Variants in PPM1L observed in about 807,000 individuals in gnomAD.
PPM1L encodes the protein protein phosphatase, Mg2+/Mn2+ dependent 1L, also known as protein phosphatase 1L.
A neutral mutation model predicts 31.4 loss-of-function variants in PPM1L; 13 were observed. That is an observed-to-expected ratio of 0.41 (90% CI 0.27 to 0.66). The LOEUF (loss-of-function observed/expected upper bound fraction) is 0.66, where lower values mean the gene tolerates loss of function less well. Among genes scored for constraint, PPM1L ranks in the 30% least tolerant of loss-of-function variants. The probability of loss-of-function intolerance (pLI) is 0.29; values close to 1 mark genes in which losing one functional copy is unlikely to be tolerated. For missense variants in PPM1L, 326 were observed against 453.7 expected, an observed-to-expected ratio of 0.72 and a Z score of 2.56; for synonymous variants, 184 against 175.4, an observed-to-expected ratio of 1.05 and a Z score of -0.39.
At chr3:160,903,294 A>T (rs1447625) in intron 1 of PPM1L, among the ~76,000 whole-genome samples, 4,984 of 151,404 alleles carry the variant, frequency 0.033, 214 homozygotes, top group African/African-American at 0.099. Flanking sequence ...GAGCTGGCAG[A>T]TCAAATTCTG....
intron 1 of PPM1L, among the ~76,000 whole-genome samples, chr3:160,841,521 G>A (rs1024083828): frequency 2.0e-5 from 3 of 152,104 alleles, no homozygotes; most frequent in African/African-American, 7.2e-5. Flanking sequence ...AACATTAGGA[G>A]GAAAATTGAT....
At chr3:160,963,238 C>A (rs55672403) in intron 2 of PPM1L, among the ~76,000 whole-genome samples, 55,739 of 151,848 alleles carry the variant, frequency 0.37, 12,928 homozygotes, top group Non-Finnish European at 0.52. Context: ...TGAAATAATG[C>A]AGTTACTTAC....
rs151095694 is a variant in PPM1L, at chr3:161,051,219, A to C, written c.575-14184A>C. 3.9e-5 allele frequency among the ~76,000 whole-genome samples: 6 copies of C among 152,264 alleles called. No homozygotes were observed. In the South Asian group the frequency reaches 6.2e-4, roughly 16 times the overall value. On this transcript the variant is annotated intron_variant, in intron 2 of 3. Transcript: ENST00000498165. ...ATAGCATTTATCATGCTGAATTCTA[A>C]GTGTCTGTTTGGTTTTATTTTGGCA... is the stretch of plus-strand genomic sequence containing the variant.
chr3:161,014,432 G>T (rs1239343182), intron 2 of PPM1L, among the ~76,000 whole-genome samples: 1 of 148,354 alleles, frequency 6.7e-6, no homozygotes, highest in Non-Finnish European at 1.5e-5. Context: ...GACTGACACT[G>T]TCAGCTCATA....
In PPM1L at chr3:160,788,976, T is replaced by C. The variant is rs767523933; in HGVS notation, c.399+32269T>C. 2.0e-5 allele frequency among the ~76,000 whole-genome samples: 3 copies of C among 151,972 alleles called. No homozygotes were observed. In the East Asian group the frequency reaches 5.8e-4, roughly 29 times the overall value. ...TGGGCTATTTTAATATACTTTATTT[T>C]TGTAAGTGACATTTAGAATCAGCTT... On this transcript the variant is annotated intron_variant, in intron 1 of 3. Transcript: ENST00000498165.
chr3:160,923,898 T>G (rs1375771292), intron 1 of PPM1L, among the ~76,000 whole-genome samples: 1 of 152,208 alleles, frequency 6.6e-6, no homozygotes, highest in Non-Finnish European at 1.5e-5. Flanking sequence ...AAATGTTTTT[T>G]ATTTTTCTTC....
At chr3:161,014,793 C>T (rs1040349108) in intron 2 of PPM1L, among the ~76,000 whole-genome samples, 5 of 152,106 alleles carry the variant, frequency 3.3e-5, no homozygotes, top group Non-Finnish European at 7.4e-5. Flanking sequence ...GTAGTAGAAA[C>T]TAGTATAAGC....
At chr3:160,905,470 GT>G (rs1713725014) in intron 1 of PPM1L, among the ~76,000 whole-genome samples, 1 of 152,066 alleles carries the variant, frequency 6.6e-6, no homozygotes, top group African/African-American at 2.4e-5. Flanking sequence ...TATTTAACTA[GT>G]TTTTTTGGTG....
chr3:161,033,858 A>G lies in PPM1L; in HGVS notation c.575-31545A>G, dbSNP rs183684971. 2.0e-5 allele frequency among the ~76,000 whole-genome samples: 3 copies of G among 152,370 alleles called. No homozygotes were observed. The East Asian group carries it at 5.8e-4, about 29-fold the overall frequency. ...CTGACAAATAAGATATAATTCAACT[A>G]AAGAGCTTCTGCACAGCAAAAGGAA... is the stretch of plus-strand genomic sequence containing the variant. On this transcript the variant is annotated intron_variant, in intron 2 of 3. Transcript: ENST00000498165.
intron 1 of PPM1L, among the ~76,000 whole-genome samples, chr3:160,782,262 G>A (rs892760821): frequency 6.6e-5 from 10 of 152,010 alleles, no homozygotes; most frequent in Non-Finnish European, 7.4e-5. Context: ...GACCTTTCGC[G>A]TATAGGTTTA....
chr3:161,045,285 C>T (rs1411861070), intron 2 of PPM1L, among the ~76,000 whole-genome samples: 1 of 152,226 alleles, frequency 6.6e-6, no homozygotes, highest in African/African-American at 2.4e-5. Flanking sequence ...TAGACATCTA[C>T]AGAGCGCTCC....
chr3:160,888,977 A>G (rs1713032857), intron 1 of PPM1L, among the ~76,000 whole-genome samples: 1 of 152,228 alleles, frequency 6.6e-6, no homozygotes. Context: ...ACAATGTACC[A>G]AAATCTCTGG....
intron 1 of PPM1L, among the ~76,000 whole-genome samples, chr3:160,909,314 A>G (rs1713871869): frequency 6.6e-6 from 1 of 152,180 alleles, no homozygotes; most frequent in Non-Finnish European, 1.5e-5. Flanking sequence ...AAGACATCAT[A>G]AGTGCTGATA....
At chr3:160,838,031 G>A (rs1246117574) in intron 1 of PPM1L, among the ~76,000 whole-genome samples, 1 of 152,142 alleles carries the variant, frequency 6.6e-6, no homozygotes, top group African/African-American at 2.4e-5. Context: ...CTGGAAGAGT[G>A]AGAACTAGAT....
chr3:160,760,733 T>C (rs1352314338), intron 1 of PPM1L, among the ~76,000 whole-genome samples: 1 of 152,128 alleles, frequency 6.6e-6, no homozygotes, highest in Non-Finnish European at 1.5e-5. Flanking sequence ...TTTTTTTTTT[T>C]TAATACCATC....
intron 2 of PPM1L, among the ~76,000 whole-genome samples, chr3:160,978,267 C>A (rs916638278): frequency 2.6e-5 from 4 of 152,128 alleles, no homozygotes; most frequent in African/African-American, 9.7e-5. Flanking sequence ...TTTATGTAGG[C>A]CTGAAGGCTG....
chr3:160,878,834 A>G (rs1576685804), intron 1 of PPM1L, among the ~76,000 whole-genome samples: 3 of 152,226 alleles, frequency 2.0e-5, no homozygotes, highest in Admixed American at 2.0e-4. Flanking sequence ...ATCTTTGCAC[A>G]TTCAGTTTAA....
At chr3:160,936,543 A>T (rs1461512880) in intron 1 of PPM1L, among the ~76,000 whole-genome samples, 1 of 152,246 alleles carries the variant, frequency 6.6e-6, no homozygotes. Context: ...TAGTATTCCC[A>T]AGGGTGTATT....
At chr3:161,040,421 A>G (rs1326879186) in intron 2 of PPM1L, among the ~76,000 whole-genome samples, 1 of 152,208 alleles carries the variant, frequency 6.6e-6, no homozygotes, top group African/African-American at 2.4e-5. Flanking sequence ...AAGATCCTTA[A>G]GGGTGGGTAT....
Sources: gnomAD v4.1 joint callset for allele counts (sites outside exome capture counted in the v4.1 genomes callset) on GRCh38, gnomAD v4.1.1 for gene constraint, MANE v1.5 for transcripts, NCBI Gene and HGNC (gene_info 2026-07-23, HGNC 2026-07-21) for gene names.